APLF: variants seen among roughly 807,000 people sequenced by gnomAD.
APLF encodes aprataxin and PNKP like factor, also known as aprataxin and PNK-like factor.
In APLF, 61 loss-of-function variants were observed where a neutral mutation model predicts 55.6. That is an observed-to-expected ratio of 1.10 (90% CI 0.89 to 1.36). APLF has a LOEUF of 1.36. Ranked by LOEUF, APLF falls within the 40% of genes most tolerant of loss-of-function variation. The probability of loss-of-function intolerance (pLI) is 0.00; values close to 1 mark genes in which losing one functional copy is unlikely to be tolerated. For synonymous variants in APLF, 207 were observed against 214.8 expected, an observed-to-expected ratio of 0.96 and a Z score of 0.32; for missense variants, 611 against 602.5, an observed-to-expected ratio of 1.01 and a Z score of -0.15.
At chr2:68,518,842 A>G (rs1198465363) in intron 5 of APLF, among the ~76,000 whole-genome samples, 2 of 126,736 alleles carry the variant, frequency 1.6e-5, no homozygotes, top group Non-Finnish European at 3.1e-5. Context: ...ATTAATATGT[A>G]ATAAAATACT....
At chr2:68,501,533 CT>C (rs1653393021) in intron 2 of APLF, among the ~76,000 whole-genome samples, 1 of 151,970 alleles carries the variant, frequency 6.6e-6, no homozygotes, top group Non-Finnish European at 1.5e-5. Flanking sequence ...GCCTATTTGA[CT>C]TATGGAAAGA....
intron 1 of APLF, among the ~76,000 whole-genome samples, chr2:68,488,055 T>C (rs1258924831): frequency 2.0e-5 from 3 of 152,164 alleles, no homozygotes; most frequent in Admixed American, 1.3e-4. Context: ...GAAAAGTTCA[T>C]GTATTGCTTC....
At chr2:68,531,863 A>G (rs1462600270) in intron 6 of APLF, among the ~76,000 whole-genome samples, 1 of 152,222 alleles carries the variant, frequency 6.6e-6, no homozygotes, top group East Asian at 1.9e-4. Flanking sequence ...GATCCAAGAT[A>G]TTCAAGCTAT....
intron 1 of APLF, among the ~76,000 whole-genome samples, chr2:68,484,532 TA>T (rs552441513): frequency 1.8e-4 from 27 of 147,528 alleles, no homozygotes; most frequent in Admixed American, 6.7e-4. Context: ...CTACTACATG[TA>T]AAAAAAAAAT....
chr2:68,507,999 TA>T (rs1676923164), intron 3 of APLF, among the ~76,000 whole-genome samples: 1 of 151,842 alleles, frequency 6.6e-6, no homozygotes, highest in African/African-American at 2.4e-5. Flanking sequence ...GATAGTATGA[TA>T]ATATGCAAGT....
rs1204726867 is a variant in APLF at position 68,502,798 on chromosome 2, T to C, written c.236T>C (p.Leu79Pro). Reference protein sequence around the residue: ...KSQLLPLKPNLWCYLNPGDSF... With the variant: ...KSQLLPLKPNPWCYLNPGDSF... ...CAGCTCTTACCATTGAAGCCAAATCTATGGTGCTATTTGAATCCTGGAGAC... is the reference window on the plus strand; with the variant it reads ...CAGCTCTTACCATTGAAGCCAAATCCATGGTGCTATTTGAATCCTGGAGAC... The change falls in exon 3 of 10, where the codon CTA becomes CCA. Residue 79 changes from leucine to proline, a missense_variant. Coordinates refer to ENST00000303795, the MANE Select transcript of APLF (RefSeq NM_173545.3). 2 of 1,607,774 alleles carry C rather than the reference T, an allele frequency of 1.2e-6. No homozygotes were observed. The highest frequency in any genetic ancestry group is 8.5e-7 in the Non-Finnish European group (1 of 1,177,946).
chr2:68,533,978 G>C (rs1011768054), intron 6 of APLF, among the ~76,000 whole-genome samples: 2 of 152,164 alleles, frequency 1.3e-5, no homozygotes, highest in African/African-American at 2.4e-5. Flanking sequence ...AAAAGACTTG[G>C]AGGTAAGGGA....
At chr2:68,508,511 GA>G (rs1376211795) in intron 3 of APLF, among the ~76,000 whole-genome samples, 4 of 151,644 alleles carry the variant, frequency 2.6e-5, no homozygotes, top group Admixed American at 6.6e-5. Context: ...AAAACTCTTA[GA>G]AAAAAACAGG....
Position 68,579,178 on chromosome 2 carries a change from T to C in APLF, c.*1156T>C, listed in dbSNP as rs1671702461. On this transcript the variant is annotated 3_prime_UTR_variant, in exon 10 of 10. Transcript: ENST00000303795. The stretch of plus-strand genomic sequence containing the variant: ...GATCAAAACATATTTATAATAATAT[T>C]TTCTCATTGCTTTAAAATATATCTC... 1.3e-6 allele frequency: 1 copy of C among 777,410 alleles called. No individual in the cohort carries two copies. Among genetic ancestry groups the C allele is most frequent in the Admixed American group, 6.3e-5 (1 of 15,934 alleles). 48.2% of individuals were successfully genotyped at this position (777,410 alleles called of 1,614,324 possible).
chr2:68,544,516 A>C (rs1444978844), intron 7 of APLF, among the ~76,000 whole-genome samples: 1 of 152,182 alleles, frequency 6.6e-6, no homozygotes, highest in Non-Finnish European at 1.5e-5. Context: ...TATTTATGTT[A>C]AGACATGTTA....
At chr2:68,492,497 A>T (rs1676404145) in intron 2 of APLF, among the ~76,000 whole-genome samples, 1 of 152,190 alleles carries the variant, frequency 6.6e-6, no homozygotes, top group Non-Finnish European at 1.5e-5. Flanking sequence ...ACAAAAAAAG[A>T]GTACTAATAA....
chr2:68,548,030 G>A (rs1670751485), intron 8 of APLF, among the ~76,000 whole-genome samples: 1 of 151,800 alleles, frequency 6.6e-6, no homozygotes. Flanking sequence ...TACTGTTTAA[G>A]AAGGAAGGTA....
At chr2:68,479,673 A>G (rs1266533614) in intron 1 of APLF, among the ~76,000 whole-genome samples, 2 of 152,252 alleles carry the variant, frequency 1.3e-5, no homozygotes, top group African/African-American at 4.8e-5. Flanking sequence ...GAAACTAAAC[A>G]AATGGTGGAA....
chr2:68,477,282 G>A (rs1480852912), intron 1 of APLF, among the ~76,000 whole-genome samples: 1 of 152,200 alleles, frequency 6.6e-6, no homozygotes, highest in African/African-American at 2.4e-5. Flanking sequence ...GACAACGTGT[G>A]ATGTGAATCA....
intron 6 of APLF, among the ~76,000 whole-genome samples, chr2:68,536,716 T>C (rs1021235971): frequency 1.3e-5 from 2 of 152,188 alleles, no homozygotes; most frequent in Non-Finnish European, 2.9e-5. Context: ...AAAACTTTAT[T>C]AAGACAAATT....
chr2:68,573,880 GTTTCC>G (rs142667815), intron 9 of APLF, among the ~76,000 whole-genome samples: 16,364 of 151,896 alleles, frequency 0.11, 1,128 homozygotes, highest in African/African-American at 0.19. Flanking sequence ...CAATAAGACA[GTTTCC>G]TTTCAGATTC....
intron 3 of APLF, among the ~76,000 whole-genome samples, chr2:68,509,568 A>G (rs1676980094): frequency 6.6e-6 from 1 of 152,082 alleles, no homozygotes. Flanking sequence ...TCAGGAAACA[A>G]CAGGTGCTGG....
At chr2:68,525,464 T>C (rs949498986) in intron 5 of APLF, among the ~76,000 whole-genome samples, 1 of 152,188 alleles carries the variant, frequency 6.6e-6, no homozygotes, top group Non-Finnish European at 1.5e-5. Context: ...TGCTAGATAG[T>C]TTACATATCT....
At position 68,484,079 on chromosome 2, in the gene APLF, T is replaced by C. The variant is rs191337689; in HGVS notation, c.97-6111T>C. 3.3e-5 allele frequency among the ~76,000 whole-genome samples: 5 copies of C among 152,286 alleles called. No homozygotes were observed. The East Asian group carries it at 9.6e-4, about 29-fold the overall frequency. ...AGTCAAACAAACAGATCACAGACTT[T>C]GATACAAAATATCTAAGTATTTCTG... On this transcript the variant is annotated intron_variant, in intron 1 of 9. Coordinates refer to ENST00000303795, the MANE Select transcript of APLF (RefSeq NM_173545.3).
Sources: allele counts gnomAD v4.1 joint callset (sites outside exome capture counted in the v4.1 genomes callset), GRCh38; gene constraint gnomAD v4.1.1; transcripts MANE v1.5; gene names NCBI Gene and HGNC (gene_info 2026-07-23, HGNC 2026-07-21).